The following PCDHGA3 variants were observed in gnomAD, a reference collection of about 807,000 sequenced individuals.
PCDHGA3 encodes protocadherin gamma-A3.
Under a neutral mutation model 58.5 loss-of-function variants are expected in PCDHGA3, and 40 were observed. The ratio of observed to expected loss-of-function variants is 0.68; its 90% CI spans 0.53 to 0.89. The LOEUF is 0.89. Among genes scored for constraint, PCDHGA3 ranks in the 40% least tolerant of loss-of-function variants. PCDHGA3 has a pLI of 0.00. For synonymous variants in PCDHGA3, 530 were observed against 525.7 expected, an observed-to-expected ratio of 1.01 and a Z score of -0.11; for missense variants, 1,223 against 1,195.9, an observed-to-expected ratio of 1.02 and a Z score of -0.33.
chr5:141,442,981 C>T (rs2098357132), intron 1 of PCDHGA3, among the ~76,000 whole-genome samples: 1 of 152,142 alleles, frequency 6.6e-6, no homozygotes, highest in African/African-American at 2.4e-5. Flanking sequence ...ATAAAGTTAG[C>T]CTATAATTTC....
chr5:141,449,916 T>C (rs1453191109), intron 1 of PCDHGA3, among the ~76,000 whole-genome samples: 1 of 151,912 alleles, frequency 6.6e-6, no homozygotes, highest in East Asian at 1.9e-4. Context: ...CATATTTAAA[T>C]TCTACCATAC....
At chr5:141,394,568 C>T (rs373695437) in intron 1 of PCDHGA3, 2 of 1,614,072 alleles carry the variant, frequency 1.2e-6, no homozygotes, top group African/African-American at 2.7e-5. Context: ...CAGAGCGTGG[C>T]TACCTGGTGA....
chr5:141,426,238 T>C, intron 1 of PCDHGA3: 1 of 158,644 alleles, frequency 6.3e-6, no homozygotes, highest in Admixed American at 5.9e-5. Context: ...AAGCACTTTG[T>C]GAAACATTTT....
chr5:141,382,110 G>A (rs1480214134), intron 1 of PCDHGA3, among the ~76,000 whole-genome samples: 1 of 151,982 alleles, frequency 6.6e-6, no homozygotes, highest in Non-Finnish European at 1.5e-5. Context: ...TTACAGGCGT[G>A]AGCAACAGCA....
intron 1 of PCDHGA3, chr5:141,372,312 C>T: frequency 6.2e-7 from 1 of 1,613,550 alleles, no homozygotes; most frequent in Non-Finnish European, 8.5e-7. Context: ...GGCCGCCCGC[C>T]AGCGCCTGCT....
chr5:141,365,052 T>A, intron 1 of PCDHGA3: 2 of 1,613,872 alleles, frequency 1.2e-6, no homozygotes, highest in Non-Finnish European at 1.7e-6. Context: ...AATGCGCCCC[T>A]GTTCACCCCA....
intron 1 of PCDHGA3, among the ~76,000 whole-genome samples, chr5:141,353,900 A>G (rs1026429677): frequency 6.6e-6 from 1 of 152,220 alleles, no homozygotes; most frequent in Non-Finnish European, 1.5e-5. Flanking sequence ...AATTCTGTAT[A>G]GCTAATGCCC....
rs1330469043 is a variant in PCDHGA3 at position 141,491,537 on chromosome 5, C to A, written c.2425-3270C>A. On this transcript the variant is annotated intron_variant, in intron 1 of 3. Transcript: ENST00000253812. This position sits in a 1 kb window ranked among gnomAD's most constrained non-coding sequence, Gnocchi z 6.9. ...AAGTACATGGAGGTGACGCTGCGGCCCACAGACTCGCAGAGCCACTGCTAC... is the reference window on the plus strand; with the variant it reads ...AAGTACATGGAGGTGACGCTGCGGCACACAGACTCGCAGAGCCACTGCTAC... The A allele has an allele frequency of 6.2e-7, 1 of 1,613,908 alleles. No homozygotes were observed. Among genetic ancestry groups the A allele is most frequent in the African/African-American group, 1.3e-5 (1 of 74,920 alleles).
chr5:141,462,818 C>T (rs1280335120), intron 1 of PCDHGA3, among the ~76,000 whole-genome samples: 1 of 152,120 alleles, frequency 6.6e-6, no homozygotes, highest in East Asian at 1.9e-4. Flanking sequence ...TTTTATTGGA[C>T]AGCAGACATT....
chr5:141,419,013 G>A, intron 1 of PCDHGA3: 2 of 1,613,958 alleles, frequency 1.2e-6, no homozygotes, highest in South Asian at 2.2e-5. Flanking sequence ...GTCAGGTGTA[G>A]CTTAAGTAGA....
At position 141,431,294 on chromosome 5, in the gene PCDHGA3, T is replaced by C; in HGVS notation, c.2425-63513T>C. 1.9e-6 allele frequency: 3 copies of C among 1,614,096 alleles called. No individual in the cohort carries two copies. Among genetic ancestry groups the C allele is most frequent in the Non-Finnish European group, 2.5e-6 (3 of 1,180,026 alleles). ...CGAGCTCAGCCCGAACACTCACTTC[T>C]CCCTCATCGTGCAAAATGGAGCCGA... On this transcript the variant is annotated intron_variant, in intron 1 of 3. Transcript: ENST00000253812. The surrounding 1 kb of genome is among the most constrained non-coding windows in gnomAD (Gnocchi z 4.8).
intron 1 of PCDHGA3, chr5:141,388,571 C>G: frequency 9.3e-6 from 15 of 1,613,830 alleles, no homozygotes; most frequent in Non-Finnish European, 1.2e-5. Flanking sequence ...CACAGATACA[C>G]GTTCTAGTGA....
chr5:141,344,892 A>G lies in PCDHGA3; in HGVS notation c.859A>G (p.Lys287Glu). 1 of 1,613,944 alleles carries G rather than the reference A, an allele frequency of 6.2e-7. No individual in the cohort carries two copies. Among genetic ancestry groups the G allele is most frequent in the Non-Finnish European group, 8.5e-7 (1 of 1,179,856 alleles). The change falls in exon 1 of 4, where the codon AAA (lysine) becomes GAA (glutamate). Residue 287 changes from lysine (K) to glutamate (E), a missense_variant. Physicochemically the swap from Lys to Glu is moderately conservative, Grantham distance 56. Coordinates refer to ENST00000253812, the MANE Select transcript of PCDHGA3 (RefSeq NM_018916.4). ...TTATATTCTAGATAAAATGCCTGGG[A>G]AAATCGCTGAGATTTTCCATCTTAA... ...VSYILDKMPG[K>E]IAEIFHLNSV...
intron 1 of PCDHGA3, chr5:141,384,717 C>A (rs575459465): frequency 6.8e-6 from 11 of 1,614,166 alleles, no homozygotes; most frequent in Non-Finnish European, 9.3e-6. Context: ...GGCTGTCATA[C>A]CTCCTGCTTA....
chr5:141,497,840 C>T (rs1326804289), intron 2 of PCDHGA3, among the ~76,000 whole-genome samples: 1 of 152,154 alleles, frequency 6.6e-6, no homozygotes, highest in Non-Finnish European at 1.5e-5. Context: ...CCGGCCACAA[C>T]AAACATTTTT....
chr5:141,364,066 A>C (rs776023906), intron 1 of PCDHGA3, among the ~76,000 whole-genome samples: 1 of 152,216 alleles, frequency 6.6e-6, no homozygotes, highest in Non-Finnish European at 1.5e-5. Flanking sequence ...ATTATAACTA[A>C]ACTTAGGAGA....
In PCDHGA3 at chr5:141,486,336, G is replaced by A. The variant is rs534793835; in HGVS notation, c.2425-8471G>A. 3.8e-5 allele frequency: 61 copies of A among 1,613,992 alleles called. No individual in the cohort carries two copies. In the African/African-American group the frequency reaches 4.3e-4, roughly 11 times the overall value. On this transcript the variant is annotated intron_variant, in intron 1 of 3. Coordinates refer to ENST00000253812, the MANE Select transcript of PCDHGA3 (RefSeq NM_018916.4). The surrounding 1 kb of genome is among the most constrained non-coding windows in gnomAD (Gnocchi z 5.0). The stretch of plus-strand genomic sequence containing the variant: ...GGGTCAAACGGAGATGTGAGCCTCC[G>A]CATTCCTGACCACTTGCCATTTGCC...
rs1561493536 is a variant in PCDHGA3, at chr5:141,347,171, CTT to C, written c.2424+716_2424+717del. Among the ~76,000 whole-genome samples the C allele has an allele frequency of 3.4e-3, 490 of 144,414 alleles. 5 individuals carry two copies. Among genetic ancestry groups the C allele is most frequent in the African/African-American group, 0.012 (462 of 38,990 alleles). The allele number at this position is 144,414 out of a possible 152,430, so 94.7% of individuals were successfully genotyped here. On this transcript the variant is annotated intron_variant, in intron 1 of 3. Coordinates refer to ENST00000253812, the MANE Select transcript of PCDHGA3 (RefSeq NM_018916.4). ...TCTTTCTTTCTTTCTTTCTTTCTTT[CTT>C]TCTTTCTTGACAGGGTCTTACTCTG... is the stretch of plus-strand genomic sequence containing the variant.
At chr5:141,352,816 C>A in intron 1 of PCDHGA3, 1 of 816,730 alleles carries the variant, frequency 1.2e-6, no homozygotes, top group Non-Finnish European at 1.9e-6. Context: ...ATGGTAAAAC[C>A]CGGTCTACTA....
Sources: allele counts gnomAD v4.1 joint callset (sites outside exome capture counted in the v4.1 genomes callset), GRCh38; gene constraint gnomAD v4.1.1; non-coding constraint Gnocchi (gnomAD v3.1); transcripts MANE v1.5; gene names NCBI Gene and HGNC (gene_info 2026-07-23, HGNC 2026-07-21).